Variants in FARP2 observed in about 807,000 individuals in gnomAD.
FARP2 encodes the protein FERM, ARH/RhoGEF and pleckstrin domain protein 2.
In FARP2, 111 loss-of-function variants were observed where a neutral mutation model predicts 130.5. The ratio of observed to expected loss-of-function variants is 0.85; its 90% CI spans 0.73 to 1.00. The LOEUF is 1.00. FARP2 is among the 50% of genes least tolerant of loss of function. The probability of loss-of-function intolerance (pLI) is 0.00; values close to 1 mark genes in which losing one functional copy is unlikely to be tolerated. For synonymous variants in FARP2, 504 were observed against 516.9 expected (o/e 0.98, Z 0.34); for missense variants, 1,385 against 1,346.3 (o/e 1.03, Z -0.45).
intron 13 of FARP2, chr2:241,443,102 C>A: frequency 3.7e-6 from 1 of 268,408 alleles, no homozygotes; most frequent in South Asian, 3.9e-5. Flanking sequence ...CCCTAAGGCC[C>A]CCGTAGACAT....
intron 1 of FARP2, among the ~76,000 whole-genome samples, chr2:241,370,335 T>C (rs1012730325): frequency 3.3e-5 from 5 of 152,310 alleles, no homozygotes; most frequent in Admixed American, 2.0e-4. Flanking sequence ...ATGGTGACTC[T>C]AGTTAGTATT....
At chr2:241,361,374 CTG>C (rs751941093) in intron 1 of FARP2, among the ~76,000 whole-genome samples, 20 of 152,200 alleles carry the variant, frequency 1.3e-4, no homozygotes, top group Non-Finnish European at 2.6e-4. Flanking sequence ...GTAGAAGTAA[CTG>C]TAAACAGCAT....
intron 17 of FARP2, chr2:241,465,587 T>C: frequency 6.4e-7 from 1 of 1,550,714 alleles, no homozygotes; most frequent in Non-Finnish European, 8.7e-7. Context: ...GGTGTTCACA[T>C]GTGGACAACA....
At chr2:241,474,800 A>C (rs2064412101) in intron 18 of FARP2, among the ~76,000 whole-genome samples, 1 of 84,000 alleles carries the variant, frequency 1.2e-5, no homozygotes, top group Admixed American at 1.7e-4. Flanking sequence ...TCTAATAATA[A>C]TAATAAATAA....
At chr2:241,429,102 A>C (rs1409867641) in intron 8 of FARP2, among the ~76,000 whole-genome samples, 2 of 152,246 alleles carry the variant, frequency 1.3e-5, no homozygotes, top group Non-Finnish European at 2.9e-5. Flanking sequence ...CATCAAACGT[A>C]TAGTCGCTGA....
At chr2:241,357,970 G>C (rs1409372589) in intron 1 of FARP2, among the ~76,000 whole-genome samples, 2 of 152,184 alleles carry the variant, frequency 1.3e-5, no homozygotes, top group Non-Finnish European at 2.9e-5. Flanking sequence ...CAGGCAGATT[G>C]CATGAGCTCA....
intron 12 of FARP2, 57 bp from the exon 13 acceptor site, chr2:241,441,247 C>T: frequency 6.6e-7 from 1 of 1,510,286 alleles, no homozygotes; most frequent in Admixed American, 2.2e-5. Context: ...TTTGCAACTT[C>T]TAGTGGTAAT....
At position 241,494,045 on chromosome 2, in the gene FARP2, GGGAGGGCCCCAAGCATCGTGCA is replaced by G. The variant is rs751051050; in HGVS notation, c.3089_3110del (p.Arg1030MetfsTer68). 1 of 1,416,290 alleles carries G rather than the reference GGGAGGGCCCCAAGCATCGTGCA, an allele frequency of 7.1e-7. No homozygotes were observed. The highest frequency in any genetic ancestry group is 9.2e-7 in the Non-Finnish European group (1 of 1,084,206). The allele number at this position is 1,416,290 out of a possible 1,614,324, so 87.7% of individuals were successfully genotyped here. On this transcript the variant is annotated frameshift_variant, in exon 27 of 27. Transcript: ENST00000264042. LOFTEE classifies it low-confidence loss of function (END_TRUNC). The surrounding 1 kb of genome is among the most constrained non-coding windows in gnomAD (Gnocchi z 4.9). ...GATCCAGGGGGCCAGCAGCTCAGCC[GGGAGGGCCCCAAGCATCGTGCA>G]GGATGGCCCCCAACCCTCCTCAGGG...
chr2:241,382,244 T>G (rs2061676769), intron 2 of FARP2, among the ~76,000 whole-genome samples: 1 of 152,092 alleles, frequency 6.6e-6, no homozygotes, highest in Non-Finnish European at 1.5e-5. Flanking sequence ...TTTAAAAGTT[T>G]TTAATGGCTA....
At chr2:241,365,706 T>C (rs1300570750) in intron 1 of FARP2, among the ~76,000 whole-genome samples, 1 of 152,196 alleles carries the variant, frequency 6.6e-6, no homozygotes, top group Admixed American at 6.5e-5. Flanking sequence ...TAGAATGAAG[T>C]TACTGGGCTT....
Position 241,489,996 on chromosome 2 carries a change from ACT to A in FARP2, c.2457_2458del (p.His819GlnfsTer40), listed in dbSNP as rs758150689. On this transcript the variant is annotated frameshift_variant, in exon 22 of 27. Transcript: ENST00000264042. LOFTEE classifies it high-confidence loss of function. The stretch of plus-strand genomic sequence containing the variant: ...AGTGATAACGAGTGGTCTGTTCCAC[ACT>A]GTTTCACCATCTACGCGGCTCAGAA... The A allele has an allele frequency of 1.2e-5, 20 of 1,613,828 alleles. No individual in the cohort carries two copies. Among genetic ancestry groups the A allele is most frequent in the Non-Finnish European group, 1.7e-5 (20 of 1,179,844 alleles).
intron 5 of FARP2, among the ~76,000 whole-genome samples, chr2:241,409,774 A>G (rs888218822): frequency 6.6e-6 from 1 of 152,138 alleles, no homozygotes; most frequent in African/African-American, 2.4e-5. Context: ...TGCTGTGGAC[A>G]TTTTTCCATA....
chr2:241,434,649 C>T (rs1293620743), intron 10 of FARP2, among the ~76,000 whole-genome samples: 1 of 152,076 alleles, frequency 6.6e-6, no homozygotes, highest in African/African-American at 2.4e-5. Flanking sequence ...GTCAGGAATT[C>T]GATATCAGCC....
In FARP2 at chr2:241,407,633, C is replaced by T. The variant is rs1201251325; in HGVS notation, c.410+18C>T. ...TATACAAGGTAAAGAGCTCACAGAG[C>T]TGAAGCTGTTGTCAGCAGGAATCTT... On this transcript the variant is annotated intron_variant, in intron 5 of 26. Transcript: ENST00000264042. 3 of 1,593,334 alleles carry T rather than the reference C, an allele frequency of 1.9e-6. No homozygotes were observed. Among genetic ancestry groups the T allele is most frequent in the Non-Finnish European group, 2.6e-6 (3 of 1,162,214 alleles).
rs910106913 is a variant in FARP2, at chr2:241,370,483, G to A, written c.-24-2601G>A. Among the ~76,000 whole-genome samples the A allele has an allele frequency of 4.6e-5, 7 of 152,118 alleles. 1 individual carries two copies. The highest frequency in any genetic ancestry group is 3.3e-4 in the Admixed American group (5 of 15,274). ...TTAATTGCCTCAATTTGGCCATCCC[G>A]TAGTGTAGACATATTTCAGGGCATC... On this transcript the variant is annotated intron_variant, in intron 1 of 26. Coordinates refer to ENST00000264042, the MANE Select transcript of FARP2 (RefSeq NM_014808.4).
In FARP2 at chr2:241,494,147, G is replaced by GACAC. The variant is rs1180292685; in HGVS notation, c.*24_*27dup. On this transcript the variant is annotated 3_prime_UTR_variant, in exon 27 of 27. Transcript: ENST00000264042. This position sits in a 1 kb window ranked among gnomAD's most constrained non-coding sequence, Gnocchi z 4.9. ...ATGACGCTCAACCTGCCCAGGTTTG[G>GACAC]ACACAACTACAAAGAACAGCAGGAC... The GACAC allele has an allele frequency of 7.2e-7, 1 of 1,396,418 alleles. No homozygotes were observed. The highest frequency in any genetic ancestry group is 2.8e-5 in the Admixed American group (1 of 35,128). 86.5% of individuals were successfully genotyped at this position (1,396,418 alleles called of 1,614,324 possible).
rs376993519 is a variant in FARP2, at chr2:241,431,702, C to T, written c.795C>T (p.Phe265=). 1.9e-6 allele frequency: 3 copies of T among 1,600,554 alleles called. No homozygotes were observed. Among genetic ancestry groups the T allele is most frequent in the African/African-American group, 2.7e-5 (2 of 74,444 alleles). Residue 265 remains phenylalanine, a synonymous_variant, in exon 9 of 27, where the codon TTC becomes TTT. Transcript: ENST00000264042. ...VFQGTTKINT[F]NWSKVRKLSF... ...AGGGCACCACCAAAATCAACACTTT[C>T]AACTGGTCCAAGGTCCGTAAACTAA...
intron 4 of FARP2, among the ~76,000 whole-genome samples, chr2:241,407,099 C>T (rs967045073): frequency 2.6e-5 from 4 of 152,368 alleles, no homozygotes; most frequent in South Asian, 4.1e-4. Context: ...TGAGCCACCG[C>T]GCCCAGCCCT....
chr2:241,409,154 C>A (rs2062448860), intron 5 of FARP2, among the ~76,000 whole-genome samples: 1 of 152,064 alleles, frequency 6.6e-6, no homozygotes, highest in African/African-American at 2.4e-5. Flanking sequence ...ATGCTGATAA[C>A]TCAGTATTAT....
Sources: gnomAD v4.1 joint callset for allele counts (sites outside exome capture counted in the v4.1 genomes callset) on GRCh38, gnomAD v4.1.1 for gene constraint, Gnocchi (gnomAD v3.1) non-coding constraint, MANE v1.5 for transcripts, NCBI Gene and HGNC (gene_info 2026-07-23, HGNC 2026-07-21) for gene names.